ST6GALNAC2: variants seen among roughly 807,000 people sequenced by gnomAD.
The protein encoded by ST6GALNAC2 is alpha-N-acetylgalactosaminide alpha-2,6-sialyltransferase 2.
Under a neutral mutation model 38.7 loss-of-function variants are expected in ST6GALNAC2, and 42 were observed. The observed-to-expected ratio is 1.09, with a 90% CI of 0.85 to 1.40. The LOEUF (loss-of-function observed/expected upper bound fraction) is 1.40, where lower values mean the gene tolerates loss of function less well. ST6GALNAC2 is among the 40% of genes most tolerant of loss of function. The pLI is 0.00. For missense variants in ST6GALNAC2, 506 were observed against 481.7 expected (o/e 1.05, Z -0.47); for synonymous variants, 233 against 209.0 (o/e 1.11, Z -0.99).
chr17:76,566,278 A>G lies in ST6GALNAC2; in HGVS notation c.958-7T>C. 5.6e-6 allele frequency: 9 copies of G among 1,613,982 alleles called. No individual in the cohort carries two copies. The highest frequency in any genetic ancestry group is 7.6e-6 in the Non-Finnish European group (9 of 1,179,910). ...TGAATCCATAGGCACTGACCTGGGCAAGGATAGTCGCTGGATTAGTATTTG... is the reference window on the plus strand; with the variant it reads ...TGAATCCATAGGCACTGACCTGGGCGAGGATAGTCGCTGGATTAGTATTTG... On this transcript the variant is annotated splice_polypyrimidine_tract_variant and splice_region_variant and intron_variant, in intron 8 of 8. Transcript: ENST00000225276.
In ST6GALNAC2 at chr17:76,570,682, G is replaced by C. The variant is rs778184801; in HGVS notation, c.670-14C>G. On this transcript the variant is annotated splice_polypyrimidine_tract_variant and intron_variant, in intron 5 of 8. Coordinates refer to ENST00000225276, the MANE Select transcript of ST6GALNAC2 (RefSeq NM_006456.3). ...ATACTGCAGGTCCTGTCAGAATAGA[G>C]ACAATGAGCCCAGAGGGGAACCAGG... The C allele has an allele frequency of 4.4e-6, 7 of 1,593,930 alleles. No homozygotes were observed. Among genetic ancestry groups the C allele is most frequent in the Middle Eastern group, 1.7e-4 (1 of 6,028 alleles).
At chr17:76,583,582 G>A (rs933796175) in intron 1 of ST6GALNAC2, among the ~76,000 whole-genome samples, 48 of 144,792 alleles carry the variant, frequency 3.3e-4, no homozygotes, top group African/African-American at 1.1e-3. Flanking sequence ...CAAGGTCGAG[G>A]AACCACATTT....
chr17:76,566,059 C>G lies in ST6GALNAC2; in HGVS notation c.*45G>C. 1 of 1,579,344 alleles carries G rather than the reference C, an allele frequency of 6.3e-7. No homozygotes were observed. Among genetic ancestry groups the G allele is most frequent in the East Asian group, 2.2e-5 (1 of 44,452 alleles). ...AAAGCTTTTGGCCACTTGAGAGGAT[C>G]AGGGCCGCAACTCTTGAAGAAGCAA... On this transcript the variant is annotated 3_prime_UTR_variant, in exon 9 of 9. Transcript: ENST00000225276.
At position 76,565,399 on chromosome 17, in the gene ST6GALNAC2, C is replaced by CTGGTGACATTATCCTGT. The variant is rs1567923488; in HGVS notation, c.*704_*705insACAGGATAATGTCACCA. The CTGGTGACATTATCCTGT allele has an allele frequency of 2.0e-5, 3 of 150,938 alleles. No homozygotes were observed. The highest frequency in any genetic ancestry group is 6.6e-5 in the Admixed American group (1 of 15,116). 9.3% of individuals were successfully genotyped at this position (150,938 alleles called of 1,614,324 possible). A position where few individuals can be genotyped will look rare whatever the true frequency, so the allele number is the denominator to read the frequency against. On this transcript the variant is annotated 3_prime_UTR_variant, in exon 9 of 9. Coordinates refer to ENST00000225276, the MANE Select transcript of ST6GALNAC2 (RefSeq NM_006456.3). Reference sequence around the variant, plus strand: ...TGATATGAGGATGAAGGTTTATTACCTGGTGACATCATCCTGTTGGTGACA... The same window carrying CTGGTGACATTATCCTGT: ...TGATATGAGGATGAAGGTTTATTACCTGGTGACATTATCCTGTTGGTGACATCATCCTGTTGGTGACA...
At position 76,573,159 on chromosome 17, in the gene ST6GALNAC2, T is replaced by TACC; in HGVS notation, c.530+35_530+36insGGT. On this transcript the variant is annotated intron_variant, in intron 4 of 8. Coordinates refer to ENST00000225276, the MANE Select transcript of ST6GALNAC2 (RefSeq NM_006456.3). This position sits in a 1 kb window ranked among gnomAD's most constrained non-coding sequence, Gnocchi z 5.1. ...GACACCCCCACCCTCCAGGCAACTC[T>TACC]CCCTCCCGCCCCTCCCCAGCTCCTA... The TACC allele has an allele frequency of 3.9e-6, 6 of 1,530,312 alleles. No homozygotes were observed. Among genetic ancestry groups the TACC allele is most frequent in the Non-Finnish European group, 5.4e-6 (6 of 1,120,824 alleles). 94.8% of individuals were successfully genotyped at this position (1,530,312 alleles called of 1,614,324 possible).
In ST6GALNAC2 at chr17:76,571,035, C is replaced by T. The variant is rs773845605; in HGVS notation, c.670-367G>A. On this transcript the variant is annotated intron_variant, in intron 5 of 8. Coordinates refer to ENST00000225276, the MANE Select transcript of ST6GALNAC2 (RefSeq NM_006456.3). ...CTCTGGATGAAGTTAGCTGCCATGT[C>T]GTGAGGACACTCAAATAGCCTACAG... 5 of 184,328 alleles carry T rather than the reference C, an allele frequency of 2.7e-5. No individual in the cohort carries two copies. In the South Asian group the frequency reaches 4.4e-4, roughly 16 times the overall value. The allele number at this position is 184,328 out of a possible 1,614,324, so 11.4% of individuals were successfully genotyped here.
intron 2 of ST6GALNAC2, among the ~76,000 whole-genome samples, chr17:76,575,228 C>G (rs775598173): frequency 6.6e-6 from 1 of 152,178 alleles, no homozygotes; most frequent in Non-Finnish European, 1.5e-5. Flanking sequence ...AAACCCTAAC[C>G]CTACTGGTAC....
chr17:76,571,457 G>A (rs779567478), intron 5 of ST6GALNAC2, among the ~76,000 whole-genome samples: 1 of 152,236 alleles, frequency 6.6e-6, no homozygotes, highest in Non-Finnish European at 1.5e-5. Context: ...AGCCAGGCGT[G>A]GTGGTGCGTG....
chr17:76,567,971 G>T (rs1356165015), intron 7 of ST6GALNAC2: 3 of 187,992 alleles, frequency 1.6e-5, no homozygotes, highest in Non-Finnish European at 3.4e-5. Context: ...GTGACCACGG[G>T]CTCTGCCCTC....
intron 6 of ST6GALNAC2, 167 bp downstream of exon 6, chr17:76,570,398 G>A (rs1200955204): frequency 3.3e-6 from 2 of 599,444 alleles, no homozygotes. Flanking sequence ...GAATTTCCCA[G>A]TGCTGTTATG....
Position 76,572,674 on chromosome 17 carries a change from T to C in ST6GALNAC2, c.632A>G (p.Tyr211Cys), listed in dbSNP as rs1242833083. ...CACGGAGGTGAAGCCCAGATTCCAGTAGGAGACGAGGGAGTTCTTCATCGT... is the reference window on the plus strand; with the variant it reads ...CACGGAGGTGAAGCCCAGATTCCAGCAGGAGACGAGGGAGTTCTTCATCGT... The part of the protein sequence containing the change: ...VNTMKNSLVS[Y>C]WNLGFTSVPQ... The change falls in exon 5 of 9, where the codon TAC (tyrosine) becomes TGC (cysteine). Residue 211 changes from tyrosine to cysteine, a missense_variant. By Grantham distance (194) the Tyr-to-Cys change is radical. Coordinates refer to ENST00000225276, the MANE Select transcript of ST6GALNAC2 (RefSeq NM_006456.3). The C allele has an allele frequency of 3.7e-6, 6 of 1,614,018 alleles. No homozygotes were observed. Among genetic ancestry groups the C allele is most frequent in the African/African-American group, 2.7e-5 (2 of 74,932 alleles).
chr17:76,567,505 AT>A lies in ST6GALNAC2; in HGVS notation c.904del (p.Met302CysfsTer10). 2 of 1,614,028 alleles carry A rather than the reference AT, an allele frequency of 1.2e-6. No homozygotes were observed. Among genetic ancestry groups the A allele is most frequent in the Non-Finnish European group, 1.7e-6 (2 of 1,180,002 alleles). On this transcript the variant is annotated frameshift_variant, in exon 8 of 9. Coordinates refer to ENST00000225276, the MANE Select transcript of ST6GALNAC2 (RefSeq NM_006456.3). LOFTEE classifies it high-confidence loss of function. ...CAGCATGAGAGCCCCGGTACTAGGC[AT>A]ATATAGGTCTCCAAAATGTGTGTTA... Reference protein sequence around the residue: ...LINTHFGDLYMPSTGALMLLT... With the variant: ...LINTHFGDLYXPSTGALMLLT...
chr17:76,583,358 A>T (rs2075501691), intron 1 of ST6GALNAC2, among the ~76,000 whole-genome samples: 1 of 105,126 alleles, frequency 9.5e-6, no homozygotes, highest in South Asian at 3.3e-4. Context: ...CCTGGGCGAC[A>T]GAGGGAGACT....
intron 6 of ST6GALNAC2, 63 bp downstream of exon 6, chr17:76,570,502 A>C: frequency 2.5e-6 from 3 of 1,197,592 alleles, no homozygotes; most frequent in Non-Finnish European, 3.6e-6. Flanking sequence ...AGCAAAAAGG[A>C]GATAACCACA....
intron 1 of ST6GALNAC2, among the ~76,000 whole-genome samples, chr17:76,580,434 G>A (rs767235662): frequency 2.0e-5 from 3 of 150,888 alleles, no homozygotes; most frequent in Middle Eastern, 7.1e-3. Flanking sequence ...GGTGGCTCAC[G>A]TCTGTAATCC....
At chr17:76,568,977 C>T (rs1220947349) in intron 6 of ST6GALNAC2, 181 bp from the exon 7 acceptor site, 4 of 590,954 alleles carry the variant, frequency 6.8e-6, no homozygotes, top group African/African-American at 2.1e-5. Context: ...GGACCACGTG[C>T]GGCTTCCCGC....
In ST6GALNAC2 at chr17:76,567,538, T is replaced by C; in HGVS notation, c.872A>G (p.Lys291Arg). The change falls in exon 8 of 9, where the codon AAG (lysine) becomes AGG (arginine). Residue 291 changes from lysine (K) to arginine (R), a missense_variant. Coordinates refer to ENST00000225276, the MANE Select transcript of ST6GALNAC2 (RefSeq NM_006456.3). ...GTCTCCAAAATGTGTGTTAATCAAC[T>C]TTGATTTCAAGAACCTGGAAGCAAA... ...SYLTERFLKS[K>R]LINTHFGDLY... 2 of 1,613,580 alleles carry C rather than the reference T, an allele frequency of 1.2e-6. No homozygotes were observed. Among genetic ancestry groups the C allele is most frequent in the Non-Finnish European group, 1.7e-6 (2 of 1,179,662 alleles).
chr17:76,578,932 C>T (rs753427762), intron 1 of ST6GALNAC2, 116 bp from the exon 2 acceptor site: 5 of 798,004 alleles, frequency 6.3e-6, no homozygotes, highest in Non-Finnish European at 7.9e-6. Flanking sequence ...CTGTGCCCAT[C>T]GTGGTGGCTC....
At position 76,566,254 on chromosome 17, in the gene ST6GALNAC2, G is replaced by T; in HGVS notation, c.975C>A (p.Phe325Leu). 1 of 1,614,122 alleles carries T rather than the reference G, an allele frequency of 6.2e-7. No homozygotes were observed. The highest frequency in any genetic ancestry group is 1.1e-5 in the South Asian group (1 of 91,074). ...HTCDQVSAYG[F>L]ITSNYWKFSD... Reference sequence around the variant, plus strand: ...AAAATTTCCAGTAGTTGCTTGTGATGAATCCATAGGCACTGACCTGGGCAA... The same window carrying T: ...AAAATTTCCAGTAGTTGCTTGTGATTAATCCATAGGCACTGACCTGGGCAA... The change falls in exon 9 of 9, where the codon TTC (phenylalanine) becomes TTA (leucine). Residue 325 changes from phenylalanine to leucine, a missense_variant. Coordinates refer to ENST00000225276, the MANE Select transcript of ST6GALNAC2 (RefSeq NM_006456.3).
Sources: allele counts gnomAD v4.1 joint callset (sites outside exome capture counted in the v4.1 genomes callset), GRCh38; gene constraint gnomAD v4.1.1; non-coding constraint Gnocchi (gnomAD v3.1); transcripts MANE v1.5; gene names NCBI Gene and HGNC (gene_info 2026-07-23, HGNC 2026-07-21).